Variants in CDH13 observed in about 807,000 individuals in gnomAD.
CDH13 encodes cadherin-13.
CDH13 carries 24 observed loss-of-function variants against 63.8 expected under a neutral mutation model. The ratio of observed to expected loss-of-function variants is 0.38; its 90% CI spans 0.27 to 0.53. The LOEUF (loss-of-function observed/expected upper bound fraction) is 0.53, where lower values mean the gene tolerates loss of function less well. Ranked by LOEUF, CDH13 falls within the 20% of genes least tolerant of loss-of-function variation. The probability of loss-of-function intolerance (pLI) is 0.85; values close to 1 mark genes in which losing one functional copy is unlikely to be tolerated. For missense variants in CDH13, 1,049 were observed against 903.1 expected (o/e 1.16, Z -2.07); for synonymous variants, 503 against 355.3 (o/e 1.42, Z -4.67).
chr16:83,239,208 T>C (rs1360401096), intron 5 of CDH13, among the ~76,000 whole-genome samples: 2 of 152,138 alleles, frequency 1.3e-5, no homozygotes, highest in African/African-American at 4.8e-5. Context: ...TCAACAGTAG[T>C]TCAGTTATAA....
chr16:82,710,549 AAAAATATAT>A (rs1300298839), intron 1 of CDH13, among the ~76,000 whole-genome samples: 11 of 99,694 alleles, frequency 1.1e-4, no homozygotes, highest in Non-Finnish European at 2.0e-4. Flanking sequence ...AAAAAAAAAA[AAAAATATAT>A]ATATATATAT....
chr16:83,692,261 T>C (rs1164724755), intron 10 of CDH13, among the ~76,000 whole-genome samples: 5 of 152,228 alleles, frequency 3.3e-5, no homozygotes, highest in Non-Finnish European at 7.3e-5. Flanking sequence ...GCAAAAATCA[T>C]TGCTGCCAGA....
At chr16:83,131,091 C>T (rs1390994098) in intron 4 of CDH13, among the ~76,000 whole-genome samples, 1 of 151,106 alleles carries the variant, frequency 6.6e-6, no homozygotes, top group East Asian at 2.0e-4. Flanking sequence ...ATCTGCTTTT[C>T]CGTAATACGA....
chr16:83,627,729 C>T (rs8064159), intron 8 of CDH13, among the ~76,000 whole-genome samples: 16,498 of 152,056 alleles, frequency 0.11, 912 homozygotes, highest in Admixed American at 0.12. Flanking sequence ...GGTCCCAATC[C>T]AGACCCCAAG....
At chr16:83,077,759 C>T (rs1159580249) in intron 3 of CDH13, among the ~76,000 whole-genome samples, 1 of 152,132 alleles carries the variant, frequency 6.6e-6, no homozygotes, top group Non-Finnish European at 1.5e-5. Flanking sequence ...GGGGTAGACT[C>T]ATATTGAGTG....
intron 2 of CDH13, among the ~76,000 whole-genome samples, chr16:82,919,090 A>G (rs1237970501): frequency 6.6e-6 from 1 of 152,178 alleles, no homozygotes; most frequent in Non-Finnish European, 1.5e-5. Flanking sequence ...TATAGTACTC[A>G]TAGTAATTGA....
chr16:83,676,581 G>A (rs1350786977), intron 9 of CDH13, among the ~76,000 whole-genome samples: 1 of 152,220 alleles, frequency 6.6e-6, no homozygotes, highest in African/African-American at 2.4e-5. Context: ...GGATAGAATG[G>A]TGAATTACTG....
At chr16:82,940,530 C>T (rs964916399) in intron 2 of CDH13, among the ~76,000 whole-genome samples, 2 of 152,168 alleles carry the variant, frequency 1.3e-5, no homozygotes, top group Non-Finnish European at 1.5e-5. Flanking sequence ...TTCTTTTTTA[C>T]TTCCAGATTT....
At chr16:83,254,907 C>G (rs553322277) in intron 5 of CDH13, among the ~76,000 whole-genome samples, 80 of 152,298 alleles carry the variant, frequency 5.3e-4, no homozygotes, top group Middle Eastern at 3.4e-3. Flanking sequence ...ACTCATCTGT[C>G]TAAAAACAAG....
chr16:83,558,563 A>G (rs1254065397), intron 7 of CDH13, among the ~76,000 whole-genome samples: 1 of 152,218 alleles, frequency 6.6e-6, no homozygotes, highest in Non-Finnish European at 1.5e-5. Context: ...AATAATTTAT[A>G]TTTAAAATCT....
chr16:82,922,732 A>G (rs1698265561), intron 2 of CDH13, among the ~76,000 whole-genome samples: 1 of 152,178 alleles, frequency 6.6e-6, no homozygotes, highest in Admixed American at 6.5e-5. Flanking sequence ...GGGAGGCTAG[A>G]AAATTAGTCA....
chr16:83,146,538 C>T (rs1020322130), intron 4 of CDH13, among the ~76,000 whole-genome samples: 1 of 152,246 alleles, frequency 6.6e-6, no homozygotes, highest in Admixed American at 6.5e-5. Context: ...TTTAAGCTAA[C>T]TATATCTGTC....
chr16:82,918,579 G>T (rs911249947), intron 2 of CDH13, among the ~76,000 whole-genome samples: 1 of 143,742 alleles, frequency 7.0e-6, no homozygotes, highest in African/African-American at 2.6e-5. Context: ...CACTATCTCC[G>T]ATCCCTGGAA....
At chr16:83,766,534 A>G (rs1481458198) in intron 11 of CDH13, among the ~76,000 whole-genome samples, 1 of 152,190 alleles carries the variant, frequency 6.6e-6, no homozygotes, top group African/African-American at 2.4e-5. Context: ...CTGTTTCCAA[A>G]TAAAACCACT....
At chr16:83,097,631 G>T (rs955764707) in intron 3 of CDH13, among the ~76,000 whole-genome samples, 1 of 152,176 alleles carries the variant, frequency 6.6e-6, no homozygotes, top group Non-Finnish European at 1.5e-5. Context: ...GCCAAGGAAG[G>T]CATCTGTGAA....
intron 1 of CDH13, among the ~76,000 whole-genome samples, chr16:82,716,399 G>A (rs937453675): frequency 6.6e-6 from 1 of 151,700 alleles, no homozygotes; most frequent in Admixed American, 6.6e-5. Context: ...AGGTTCTGAC[G>A]GATTCATCTC....
chr16:83,689,770 C>T (rs1052118005), intron 10 of CDH13, among the ~76,000 whole-genome samples: 2 of 152,060 alleles, frequency 1.3e-5, no homozygotes, highest in Admixed American at 6.5e-5. Context: ...GAAAGGAGGA[C>T]CTGGGGATTT....
At chr16:83,458,811 C>T (rs926521213) in intron 6 of CDH13, among the ~76,000 whole-genome samples, 4 of 152,160 alleles carry the variant, frequency 2.6e-5, no homozygotes, top group Non-Finnish European at 5.9e-5. Flanking sequence ...GCCACAGCAC[C>T]GGTTGTCTCT....
At chr16:82,791,589 C>T (rs1214969424) in intron 1 of CDH13, among the ~76,000 whole-genome samples, 1 of 152,184 alleles carries the variant, frequency 6.6e-6, no homozygotes, top group Non-Finnish European at 1.5e-5. Flanking sequence ...GCTGAGCTTT[C>T]GCTCACCATC....
Sources: allele counts gnomAD v4.1 joint callset (sites outside exome capture counted in the v4.1 genomes callset), GRCh38; gene constraint gnomAD v4.1.1; transcripts MANE v1.5; gene names NCBI Gene and HGNC (gene_info 2026-07-23, HGNC 2026-07-21).